GFM1: variants seen among roughly 807,000 people sequenced by gnomAD.
The protein encoded by GFM1 is elongation factor G, mitochondrial.
A neutral mutation model predicts 96.2 loss-of-function variants in GFM1; 62 were observed. The observed-to-expected ratio is 0.64, with a 90% confidence interval of 0.53 to 0.80. The LOEUF (loss-of-function observed/expected upper bound fraction) is 0.80, where lower values mean the gene tolerates loss of function less well. Among genes scored for constraint, GFM1 ranks in the 30% least tolerant of loss-of-function variants. The probability of loss-of-function intolerance (pLI) is 0.00; values close to 1 mark genes in which losing one functional copy is unlikely to be tolerated. For missense variants in GFM1, 852 were observed against 916.6 expected (o/e 0.93, Z 0.91); for synonymous variants, 282 against 312.9 (o/e 0.90, Z 1.04).
intron 12 of GFM1, 43 bp from the exon 13 acceptor site, chr3:158,666,261 T>G (rs756356982): frequency 1.4e-6 from 2 of 1,448,050 alleles, no homozygotes; most frequent in Admixed American, 1.7e-5. Context: ...TTCTTTCGGT[T>G]TATTTTTTTA....
rs112125588 is a variant in GFM1, at chr3:158,664,929, A to G, written c.1381-408A>G. Among the ~76,000 whole-genome samples, 1,096 of 152,302 alleles carry G rather than the reference A, an allele frequency of 7.2e-3. 15 individuals are homozygous for G. The highest frequency in any genetic ancestry group is 0.026 in the African/African-American group (1,062 of 41,554). ...ATTTGCCTATTTGTTGGTCTTAAGT[A>G]TCCTGCTTGGATCTACAGTAGTGTC... On this transcript the variant is annotated intron_variant, in intron 11 of 17. Coordinates refer to ENST00000486715, the MANE Select transcript of GFM1 (RefSeq NM_024996.7).
chr3:158,655,419 G>C (rs1316190236), intron 8 of GFM1, among the ~76,000 whole-genome samples: 1 of 151,784 alleles, frequency 6.6e-6, no homozygotes, highest in Admixed American at 6.6e-5. Flanking sequence ...GGGAGGTGGA[G>C]GTTGCAGTGA....
chr3:158,648,794 G>C (rs1722056117), intron 4 of GFM1, among the ~76,000 whole-genome samples: 1 of 151,976 alleles, frequency 6.6e-6, no homozygotes, highest in Non-Finnish European at 1.5e-5. Flanking sequence ...TGTATCTGGG[G>C]ATCTGATGGT....
chr3:158,691,369 TATC>T lies in GFM1; in HGVS notation c.2160_2162del (p.Tyr720_Gln721delinsTer). 6.2e-7 allele frequency: 1 copy of T among 1,613,846 alleles called. No individual in the cohort carries two copies. The highest frequency in any genetic ancestry group is 1.3e-5 in the African/African-American group (1 of 75,024). On this transcript the variant is annotated stop_gained and inframe_deletion, in exon 18 of 18. Transcript: ENST00000486715. LOFTEE classifies it high-confidence loss of function. ...AGAATACACAATGGAGTATAGCAGG[TATC>T]AGCCATGTTTACCATCCACACAAGA...
intron 5 of GFM1, chr3:158,649,909 CACACTTTGAGTG>C: frequency 9.5e-7 from 1 of 1,052,306 alleles, no homozygotes; most frequent in South Asian, 1.4e-5. Flanking sequence ...GTCTGCAGAC[CACACTTTGAGTG>C]ACACTGATCT....
At chr3:158,682,470 T>C in intron 14 of GFM1, 1 of 305,660 alleles carries the variant, frequency 3.3e-6, no homozygotes. Flanking sequence ...TATAAGAGTT[T>C]TATGTGTACT....
intron 13 of GFM1, among the ~76,000 whole-genome samples, chr3:158,680,262 C>T (rs1191557001): frequency 6.6e-6 from 1 of 151,928 alleles, no homozygotes; most frequent in African/African-American, 2.4e-5. Context: ...AAATAGTATT[C>T]ATTGTACCCA....
At chr3:158,689,317 T>C (rs1237945566) in intron 15 of GFM1, among the ~76,000 whole-genome samples, 2 of 152,132 alleles carry the variant, frequency 1.3e-5, no homozygotes, top group African/African-American at 2.4e-5. Context: ...ATTTGAGACC[T>C]GGACAAATTG....
chr3:158,668,583 A>G (rs1723948213), intron 13 of GFM1, among the ~76,000 whole-genome samples: 1 of 152,246 alleles, frequency 6.6e-6, no homozygotes, highest in Non-Finnish European at 1.5e-5. Context: ...ATTAAGAGCT[A>G]TGATTACCGT....
rs1722575343 is a variant in GFM1, at chr3:158,654,456, T to C, written c.999-91T>C. ...GCAGTAATATCCCACACACGTGCTTTTTCTCAGATAATACTTCCTGATGAA... is the reference window on the plus strand; with the variant it reads ...GCAGTAATATCCCACACACGTGCTTCTTCTCAGATAATACTTCCTGATGAA... On this transcript the variant is annotated intron_variant, in intron 7 of 17. Coordinates refer to ENST00000486715, the MANE Select transcript of GFM1 (RefSeq NM_024996.7). The C allele has an allele frequency of 6.0e-6, 5 of 827,700 alleles. No individual in the cohort carries two copies. The Admixed American group carries it at 8.4e-5, about 14-fold the overall frequency. The allele number at this position is 827,700 out of a possible 1,614,324, so 51.3% of individuals were successfully genotyped here. A position where few individuals can be genotyped will look rare whatever the true frequency, so the allele number is the denominator to read the frequency against.
chr3:158,655,827 G>A (rs762422481), intron 8 of GFM1: 11 of 453,008 alleles, frequency 2.4e-5, no homozygotes, highest in South Asian at 1.1e-4. Flanking sequence ...TCCTTTTTCC[G>A]TCTCACTAGA....
intron 4 of GFM1, among the ~76,000 whole-genome samples, chr3:158,647,632 G>A (rs1225769237): frequency 6.6e-6 from 1 of 152,176 alleles, no homozygotes. Flanking sequence ...TGGTGTATCT[G>A]ATGACAAAAA....
At chr3:158,665,675 A>G (rs1451115506) in intron 12 of GFM1, among the ~76,000 whole-genome samples, 2 of 152,170 alleles carry the variant, frequency 1.3e-5, no homozygotes, top group Non-Finnish European at 2.9e-5. Context: ...TTTTATTTGT[A>G]AAACGTTCTG....
At chr3:158,688,265 G>A (rs1726030617) in intron 15 of GFM1, among the ~76,000 whole-genome samples, 1 of 152,108 alleles carries the variant, frequency 6.6e-6, no homozygotes, top group Non-Finnish European at 1.5e-5. Context: ...GATGCAATGT[G>A]GCTATTGAAA....
intron 13 of GFM1, among the ~76,000 whole-genome samples, chr3:158,673,033 GA>G (rs1724513019): frequency 6.6e-6 from 1 of 152,108 alleles, no homozygotes; most frequent in Non-Finnish European, 1.5e-5. Flanking sequence ...GTAGTGATTC[GA>G]TTCCTTCATT....
rs371315898 is a variant in GFM1 at position 158,646,731 on chromosome 3, C to A, written c.368-12C>A. 2.1e-5 allele frequency: 34 copies of A among 1,608,950 alleles called. No homozygotes were observed. The Admixed American group carries it at 4.4e-4, about 21-fold the overall frequency. ...TGCTCTTTAAGACCCTCTCATACTT[C>A]ATCTTATTCAGGGCATGTGGACTTC... On this transcript the variant is annotated splice_polypyrimidine_tract_variant and intron_variant, in intron 3 of 17. Coordinates refer to ENST00000486715, the MANE Select transcript of GFM1 (RefSeq NM_024996.7).
rs763552707 is a variant in GFM1 at position 158,645,751 on chromosome 3, C to A, written c.204C>A (p.Tyr68Ter). The A allele has an allele frequency of 6.2e-7, 1 of 1,612,730 alleles. No individual in the cohort carries two copies. Among genetic ancestry groups the A allele is most frequent in the South Asian group, 1.1e-5 (1 of 91,050 alleles). ...CTACATTAACAGAACGAGTCCTTTA[C>A]TACACTGGCAGAATTGCAAAGATGC... ...GKTTLTERVL[Y>*]YTGRIAKMHE... is the part of the protein sequence containing the mutation. The change falls in exon 2 of 18, where the codon TAC becomes TAA. Residue 68 changes from tyrosine to a stop codon, truncating the protein, a stop_gained. Coordinates refer to ENST00000486715, the MANE Select transcript of GFM1 (RefSeq NM_024996.7). LOFTEE classifies it high-confidence loss of function.
intron 8 of GFM1, 135 bp from the exon 9 acceptor site, chr3:158,658,787 A>C: frequency 1.1e-6 from 1 of 888,924 alleles, no homozygotes; most frequent in Admixed American, 2.0e-5. Flanking sequence ...AGTTTATGAC[A>C]ATAAACTGAA....
Position 158,675,398 on chromosome 3 carries a change from TA to T in GFM1, c.1602-6593del, listed in dbSNP as rs201246415. Among the ~76,000 whole-genome samples the T allele has an allele frequency of 8.1e-3, 1,234 of 151,460 alleles. 10 individuals carry two copies. The highest frequency in any genetic ancestry group is 0.028 in the African/African-American group (1,177 of 41,394). On this transcript the variant is annotated intron_variant, in intron 13 of 17. Coordinates refer to ENST00000486715, the MANE Select transcript of GFM1 (RefSeq NM_024996.7). ...TATAAATTATATTTTTAAAAATGTATAAAATATTTCTGATTAATAGATGAAT... is the reference window on the plus strand; with the variant it reads ...TATAAATTATATTTTTAAAAATGTATAAATATTTCTGATTAATAGATGAAT...
Sources: gnomAD v4.1 joint callset for allele counts (sites outside exome capture counted in the v4.1 genomes callset) on GRCh38, gnomAD v4.1.1 for gene constraint, MANE v1.5 for transcripts, NCBI Gene and HGNC (gene_info 2026-07-23, HGNC 2026-07-21) for gene names.